SNAP47: variants seen among roughly 807,000 people sequenced by gnomAD.
The protein encoded by SNAP47 is synaptosome associated protein 47.
A neutral mutation model predicts 31.4 loss-of-function variants in SNAP47; 20 were observed. The observed-to-expected ratio is 0.64, with a 90% CI of 0.45 to 0.93. The LOEUF (loss-of-function observed/expected upper bound fraction) is 0.93, where lower values mean the gene tolerates loss of function less well. Among genes scored for constraint, SNAP47 ranks in the 40% least tolerant of loss-of-function variants. The probability of loss-of-function intolerance (pLI) is 0.00; values close to 1 mark genes in which losing one functional copy is unlikely to be tolerated. For missense variants in SNAP47, 492 were observed against 528.5 expected (o/e 0.93, Z 0.68); for synonymous variants, 194 against 213.4 (o/e 0.91, Z 0.79).
At chr1:227,747,018 A>G (rs1488136075) in intron 1 of SNAP47, 1 of 152,256 alleles carries the variant, frequency 6.6e-6, no homozygotes, top group Non-Finnish European at 1.5e-5. Flanking sequence ...ATAAATGTAG[A>G]TGTGAAAACA....
intron 2 of SNAP47, among the ~76,000 whole-genome samples, chr1:227,752,181 G>T (rs906099158): frequency 2.0e-5 from 3 of 152,204 alleles, no homozygotes; most frequent in African/African-American, 7.2e-5. Flanking sequence ...CCACTGTGAA[G>T]TCACCACCAC....
At position 227,747,715 on chromosome 1, in the gene SNAP47, G is replaced by C. The variant is rs373320394; in HGVS notation, c.-22G>C. The stretch of plus-strand genomic sequence containing the variant: ...AGAGGCAGAAGAGGCCTGGACCTTG[G>C]CGCACACAGACCCAGGAACAGATGA... On this transcript the variant is annotated 5_prime_UTR_variant, in exon 2 of 5. Coordinates refer to ENST00000617596, the MANE Select transcript of SNAP47 (RefSeq NM_053052.4). 4.5e-5 allele frequency: 73 copies of C among 1,606,298 alleles called. No homozygotes were observed. Among genetic ancestry groups the C allele is most frequent in the Non-Finnish European group, 6.0e-5 (70 of 1,174,364 alleles).
intron 1 of SNAP47, among the ~76,000 whole-genome samples, chr1:227,742,514 C>T (rs1357989665): frequency 6.6e-6 from 1 of 152,212 alleles, no homozygotes; most frequent in Non-Finnish European, 1.5e-5. Flanking sequence ...GTAAACTGTG[C>T]TGCAACACCA....
At chr1:227,739,944 T>C (rs183754045) in intron 1 of SNAP47, among the ~76,000 whole-genome samples, 2 of 152,366 alleles carry the variant, frequency 1.3e-5, no homozygotes, top group African/African-American at 2.4e-5. Flanking sequence ...CCTGGACTGA[T>C]TGCAGAACTA....
At chr1:227,759,717 G>A in intron 3 of SNAP47, 3 of 585,558 alleles carry the variant, frequency 5.1e-6, no homozygotes, top group Non-Finnish European at 6.0e-6. Context: ...CTTGATAGGT[G>A]CGTGAATTCC....
intron 4 of SNAP47, among the ~76,000 whole-genome samples, chr1:227,769,140 A>G (rs528150306): frequency 1.3e-5 from 2 of 152,302 alleles, no homozygotes; most frequent in South Asian, 4.1e-4. Flanking sequence ...CCCACCAGCC[A>G]TCCAGGCTGT....
chr1:227,772,438 G>A (rs1170110879), intron 4 of SNAP47, among the ~76,000 whole-genome samples: 1 of 151,056 alleles, frequency 6.6e-6, no homozygotes, highest in African/African-American at 2.4e-5. Flanking sequence ...TTTTGTGCCT[G>A]CCTTATTTCA....
chr1:227,739,903 A>C (rs1334227001), intron 1 of SNAP47, among the ~76,000 whole-genome samples: 1 of 152,220 alleles, frequency 6.6e-6, no homozygotes, highest in East Asian at 1.9e-4. Flanking sequence ...TGCAGATTGC[A>C]ACAGGCAGGG....
At chr1:227,732,037 A>G, upstream of SNAP47, 1 of 340,358 alleles carries the variant, frequency 2.9e-6, no homozygotes, top group Non-Finnish European at 5.6e-6. Flanking sequence ...ACGAGGGGAC[A>G]GGGCTGGCCT....
chr1:227,777,484 G>T (rs1664232195), intron 4 of SNAP47, among the ~76,000 whole-genome samples: 1 of 152,202 alleles, frequency 6.6e-6, no homozygotes, highest in South Asian at 2.1e-4. Context: ...TGTGGCTCCT[G>T]ATCCCTGAGT....
chr1:227,767,462 TGTA>T (rs1485307686), intron 4 of SNAP47, among the ~76,000 whole-genome samples: 1 of 152,184 alleles, frequency 6.6e-6, no homozygotes, highest in Non-Finnish European at 1.5e-5. Context: ...TGCATTTGTG[TGTA>T]GTATGTGTGC....
At chr1:227,757,247 G>GAGTCATCACTGTAAAAGAAAACCTAA (rs1262901536) in intron 2 of SNAP47, among the ~76,000 whole-genome samples, 1 of 152,172 alleles carries the variant, frequency 6.6e-6, no homozygotes, top group Non-Finnish European at 1.5e-5. Context: ...ATAGGGCTAG[G>GAGTCATCACTGTAAAAGAAAACCTAA]AGTCATCACT....
chr1:227,761,782 G>C (rs547953104), intron 3 of SNAP47, among the ~76,000 whole-genome samples: 25 of 152,280 alleles, frequency 1.6e-4, no homozygotes, highest in African/African-American at 5.5e-4. Context: ...CTGCTCTCCA[G>C]GGTCCCAGTA....
chr1:227,733,924 C>T (rs763865736), upstream of SNAP47: 58 of 1,613,630 alleles, frequency 3.6e-5, no homozygotes, highest in Non-Finnish European at 4.8e-5. Context: ...CCGCAGGCCC[C>T]GCGTAGACAA....
At position 227,756,694 on chromosome 1, in the gene SNAP47, T is replaced by C. The variant is rs144294833; in HGVS notation, c.498-2301T>C. Reference sequence around the variant, plus strand: ...GATCTTGGAGGGGATGTCCCAATCATGTGGAGAGGCTGGCGAGGGACTTTT... The same window carrying C: ...GATCTTGGAGGGGATGTCCCAATCACGTGGAGAGGCTGGCGAGGGACTTTT... On this transcript the variant is annotated intron_variant, in intron 2 of 4. Transcript: ENST00000617596. Among the ~76,000 whole-genome samples, 182 of 150,890 alleles carry C rather than the reference T, an allele frequency of 1.2e-3. 2 individuals carry two copies. The South Asian group carries it at 0.028, about 23-fold the overall frequency.
upstream of SNAP47, chr1:227,733,803 C>T (rs1205672111): frequency 1.9e-6 from 3 of 1,584,638 alleles, no homozygotes; most frequent in Non-Finnish European, 1.7e-6. Flanking sequence ...ATGGCACCCA[C>T]TGTGAGGCCT....
chr1:227,758,496 G>T (rs1012655377), intron 2 of SNAP47, among the ~76,000 whole-genome samples: 1 of 148,552 alleles, frequency 6.7e-6, no homozygotes, highest in Admixed American at 6.9e-5. Context: ...GGTGTTGAGA[G>T]TGTGGGTGGT....
At chr1:227,732,688 G>C, upstream of SNAP47, 1 of 1,611,102 alleles carries the variant, frequency 6.2e-7, no homozygotes, top group Non-Finnish European at 8.5e-7. Flanking sequence ...TGGGCAGAGG[G>C]AAGAGGCCAG....
At chr1:227,777,253 C>A in intron 4 of SNAP47, 1 of 330,098 alleles carries the variant, frequency 3.0e-6, no homozygotes. Context: ...CACATCACAA[C>A]CAGGGTCACT....
Sources: gnomAD v4.1 joint callset for allele counts (sites outside exome capture counted in the v4.1 genomes callset) on GRCh38, gnomAD v4.1.1 for gene constraint, MANE v1.5 for transcripts, NCBI Gene and HGNC (gene_info 2026-07-23, HGNC 2026-07-21) for gene names.